Variants in CEP162 observed in about 807,000 individuals in gnomAD.
The protein encoded by CEP162 is centrosomal protein of 162 kDa.
Under a neutral mutation model 169.2 loss-of-function variants are expected in CEP162, and 141 were observed. The ratio of observed to expected loss-of-function variants is 0.83; its 90% CI spans 0.73 to 0.96. The LOEUF (loss-of-function observed/expected upper bound fraction) is 0.96, where lower values mean the gene tolerates loss of function less well. CEP162 is among the 40% of genes least tolerant of loss of function. The pLI, the probability that CEP162 is intolerant of heterozygous loss-of-function variation, is 0.00. For synonymous variants in CEP162, 540 were observed against 526.4 expected, an observed-to-expected ratio of 1.03 and a Z score of -0.35; for missense variants, 1,600 against 1,587.2, an observed-to-expected ratio of 1.01 and a Z score of -0.14.
chr6:84,188,423 ATC>A (rs1473003625), intron 11 of CEP162, among the ~76,000 whole-genome samples: 1 of 152,030 alleles, frequency 6.6e-6, no homozygotes, highest in East Asian at 1.9e-4. Flanking sequence ...TGTTGTTCTC[ATC>A]TCTCTGTCCA....
chr6:84,144,188 G>A (rs1004646186), intron 25 of CEP162, among the ~76,000 whole-genome samples: 1 of 152,128 alleles, frequency 6.6e-6, no homozygotes, highest in East Asian at 1.9e-4. Flanking sequence ...AAATAGAGAT[G>A]TCAAAGTAAT....
rs754085371 is a variant in CEP162, at chr6:84,152,645, A to G, written c.3529T>C (p.Tyr1177His). 4 of 1,601,710 alleles carry G rather than the reference A, an allele frequency of 2.5e-6. No homozygotes were observed. Among genetic ancestry groups the G allele is most frequent in the African/African-American group, 2.7e-5 (2 of 74,760 alleles). The change falls in exon 23 of 27, where the codon TAC (tyrosine) becomes CAC (histidine). Residue 1177 changes from tyrosine to histidine, a missense_variant. By Grantham distance (83) the Tyr-to-His change is moderately conservative. Coordinates refer to ENST00000403245, the MANE Select transcript of CEP162 (RefSeq NM_014895.4). ...SHVSEVLQEN[Y>H]RLKNELEGLI... ...CCTTCTAGCTCATTTTTTAATCTGTAGTTTTCTTGTAAAACTTCTGAAACA... is the reference window on the plus strand; with the variant it reads ...CCTTCTAGCTCATTTTTTAATCTGTGGTTTTCTTGTAAAACTTCTGAAACA...
At chr6:84,132,631 G>A (rs1159172593) in intron 25 of CEP162, among the ~76,000 whole-genome samples, 4 of 151,856 alleles carry the variant, frequency 2.6e-5, no homozygotes, top group African/African-American at 7.3e-5. Flanking sequence ...CCACTTGATC[G>A]AATTGGCTAC....
At chr6:84,158,825 T>A (rs1037391070) in intron 21 of CEP162, among the ~76,000 whole-genome samples, 5 of 151,984 alleles carry the variant, frequency 3.3e-5, no homozygotes, top group African/African-American at 1.2e-4. Context: ...ATATACTGTA[T>A]TTTTTGGGAA....
intron 19 of CEP162, 66 bp from the exon 20 acceptor site, chr6:84,161,975 A>C: frequency 1.9e-6 from 2 of 1,050,126 alleles, no homozygotes; most frequent in Non-Finnish European, 2.7e-6. Flanking sequence ...AACTAAATTA[A>C]AAGATTTTAA....
chr6:84,199,954 A>G (rs2099543781), intron 9 of CEP162, among the ~76,000 whole-genome samples: 1 of 152,224 alleles, frequency 6.6e-6, no homozygotes, highest in Non-Finnish European at 1.5e-5. Context: ...AGAGTTCTAC[A>G]TAAGATTTCA....
chr6:84,169,736 C>T (rs116580795), intron 17 of CEP162, among the ~76,000 whole-genome samples: 2,035 of 152,170 alleles, frequency 0.013, 40 homozygotes, highest in African/African-American at 0.047. Context: ...TACAAAGATG[C>T]GCTGCATTTT....
intron 11 of CEP162, among the ~76,000 whole-genome samples, chr6:84,186,948 A>T (rs1446030155): frequency 6.6e-6 from 1 of 152,222 alleles, no homozygotes; most frequent in African/African-American, 2.4e-5. Context: ...CAAATTTCTA[A>T]GTGAACTTTT....
chr6:84,126,636 G>A (rs56135572), intron 25 of CEP162, 124 bp from the exon 26 acceptor site: 6,516 of 595,688 alleles, frequency 0.011, 55 homozygotes, highest in Non-Finnish European at 0.014. Context: ...GATTGTTAGA[G>A]TAATTAATAG....
At chr6:84,216,736 G>T (rs769167418) in intron 3 of CEP162, among the ~76,000 whole-genome samples, 1 of 152,148 alleles carries the variant, frequency 6.6e-6, no homozygotes. Context: ...TATGTGGAGA[G>T]AATTGATATG....
chr6:84,155,000 G>T (rs1264926275), intron 22 of CEP162, among the ~76,000 whole-genome samples: 1 of 151,992 alleles, frequency 6.6e-6, no homozygotes, highest in African/African-American at 2.4e-5. Flanking sequence ...TTTTGTACTG[G>T]ATACATATCA....
chr6:84,164,297 C>T (rs1164818924), intron 18 of CEP162, among the ~76,000 whole-genome samples: 3 of 152,184 alleles, frequency 2.0e-5, no homozygotes, highest in African/African-American at 7.2e-5. Flanking sequence ...GTGGTGATTC[C>T]TCAAGGATCT....
intron 25 of CEP162, among the ~76,000 whole-genome samples, chr6:84,139,310 T>C (rs1015999094): frequency 6.7e-6 from 1 of 149,232 alleles, no homozygotes; most frequent in Non-Finnish European, 1.5e-5. Context: ...TCCTCTGTCC[T>C]TTCTTTATCT....
chr6:84,180,064 C>T (rs2099534108), intron 13 of CEP162, among the ~76,000 whole-genome samples: 2 of 152,020 alleles, frequency 1.3e-5, no homozygotes, highest in Non-Finnish European at 2.9e-5. Context: ...TAGACCAATG[C>T]CCCTGATGAA....
intron 25 of CEP162, among the ~76,000 whole-genome samples, chr6:84,138,463 C>T (rs1159089612): frequency 2.0e-5 from 3 of 152,112 alleles, no homozygotes; most frequent in East Asian, 1.9e-4. Flanking sequence ...ATACACAGGA[C>T]GTCAGGAGAG....
chr6:84,192,377 T>C (rs2099540273), intron 11 of CEP162, among the ~76,000 whole-genome samples: 1 of 152,200 alleles, frequency 6.6e-6, no homozygotes, highest in Non-Finnish European at 1.5e-5. Flanking sequence ...AACAAAGATA[T>C]AAGATGTGTA....
chr6:84,146,739 TTACTC>T lies in CEP162; in HGVS notation c.3813_3817del (p.Ser1272ThrfsTer8). 1 of 1,585,854 alleles carries T rather than the reference TTACTC, an allele frequency of 6.3e-7. No homozygotes were observed. On this transcript the variant is annotated frameshift_variant, in exon 25 of 27. Transcript: ENST00000403245. LOFTEE classifies it high-confidence loss of function. ...TTCAGAAACTACGAGAGACTCTTGT[TTACTC>T]TGCAGCTCATTAACTTGACTTTGGA...
At chr6:84,160,610 G>C (rs751319611) in intron 21 of CEP162, among the ~76,000 whole-genome samples, 2 of 152,066 alleles carry the variant, frequency 1.3e-5, no homozygotes, top group Non-Finnish European at 2.9e-5. Context: ...ACCATCTTAC[G>C]AATGAGGCAC....
intron 11 of CEP162, among the ~76,000 whole-genome samples, chr6:84,188,741 T>C (rs865868185): frequency 6.6e-6 from 1 of 152,284 alleles, no homozygotes; most frequent in Non-Finnish European, 1.5e-5. Flanking sequence ...TTCCTTTTGG[T>C]ATATATCCAA....
Sources: allele counts gnomAD v4.1 joint callset (sites outside exome capture counted in the v4.1 genomes callset), GRCh38; gene constraint gnomAD v4.1.1; transcripts MANE v1.5; gene names NCBI Gene and HGNC (gene_info 2026-07-23, HGNC 2026-07-21).